PLEKHA5: variants seen among roughly 807,000 people sequenced by gnomAD.
PLEKHA5 encodes the protein pleckstrin homology domain-containing family A member 5.
Under a neutral mutation model 181.9 loss-of-function variants are expected in PLEKHA5, and 55 were observed. That is an observed-to-expected ratio of 0.30 (90% CI 0.24 to 0.38). The LOEUF (loss-of-function observed/expected upper bound fraction) is 0.38. Among genes scored for constraint, PLEKHA5 ranks in the 10% least tolerant of loss-of-function variants. PLEKHA5 has a pLI of 1.00. For missense variants in PLEKHA5, 1,432 were observed against 1,549.5 expected (o/e 0.92, Z 1.27); for synonymous variants, 535 against 529.4 (o/e 1.01, Z -0.15).
chr12:19,365,484 G>A (rs942145315), intron 29 of PLEKHA5, among the ~76,000 whole-genome samples: 9 of 152,058 alleles, frequency 5.9e-5, no homozygotes, highest in South Asian at 2.1e-4. Context: ...CATATAAATG[G>A]CAAAGAATAA....
chr12:19,360,627 GA>G, intron 28 of PLEKHA5, among the ~76,000 whole-genome samples: 1 of 149,764 alleles, frequency 6.7e-6, no homozygotes, highest in Middle Eastern at 3.4e-3. Context: ...AAAAGAAAAA[GA>G]AAAAAAGAAA....
intron 3 of PLEKHA5, among the ~76,000 whole-genome samples, chr12:19,222,320 T>C (rs1157621270): frequency 6.6e-6 from 1 of 152,152 alleles, no homozygotes; most frequent in African/African-American, 2.4e-5. Context: ...GTCTGTAATT[T>C]CTGTTTTATG....
intron 3 of PLEKHA5, among the ~76,000 whole-genome samples, chr12:19,164,193 T>G (rs2043699119): frequency 7.8e-6 from 1 of 127,454 alleles, no homozygotes; most frequent in East Asian, 2.6e-4. Context: ...CTCCAGATGT[T>G]TTTGTTTTTT....
chr12:19,176,722 G>A (rs901688904), intron 3 of PLEKHA5: 9 of 152,176 alleles, frequency 5.9e-5, no homozygotes, highest in African/African-American at 2.2e-4. Flanking sequence ...CTTATTTTGA[G>A]ACATAAGGCA....
intron 10 of PLEKHA5, 108 bp from the exon 11 acceptor site, chr12:19,274,408 T>G (rs577042609): frequency 2.8e-6 from 2 of 701,866 alleles, no homozygotes; most frequent in Non-Finnish European, 4.7e-6. Flanking sequence ...CCCTTTCCAG[T>G]CCCCTGGCCC....
At chr12:19,171,276 A>G (rs890880193) in intron 3 of PLEKHA5, among the ~76,000 whole-genome samples, 2 of 152,152 alleles carry the variant, frequency 1.3e-5, no homozygotes, top group Admixed American at 6.5e-5. Flanking sequence ...ACTTTGATGA[A>G]AGGACTGAGG....
intron 3 of PLEKHA5, among the ~76,000 whole-genome samples, chr12:19,166,045 G>A (rs147270018): frequency 2.0e-5 from 3 of 152,178 alleles, no homozygotes; most frequent in African/African-American, 7.2e-5. Context: ...AAAGAAGGCA[G>A]TAACTGCCCA....
At chr12:19,356,184 C>A (rs932244457) in intron 26 of PLEKHA5, among the ~76,000 whole-genome samples, 1 of 148,872 alleles carries the variant, frequency 6.7e-6, no homozygotes, top group African/African-American at 2.5e-5. Context: ...CAAAAAAAAA[C>A]AACACACACA....
chr12:19,201,954 A>C, intron 3 of PLEKHA5: 1 of 678,610 alleles, frequency 1.5e-6, no homozygotes, highest in Non-Finnish European at 1.8e-6. Context: ...GGGTTTAATG[A>C]AATGTGAATT....
chr12:19,194,422 T>C (rs977072533), intron 3 of PLEKHA5, among the ~76,000 whole-genome samples: 3 of 152,326 alleles, frequency 2.0e-5, no homozygotes, highest in African/African-American at 7.2e-5. Context: ...GCATGTATCT[T>C]TATGATATAA....
At chr12:19,219,124 A>G (rs938705798) in intron 3 of PLEKHA5, among the ~76,000 whole-genome samples, 2 of 152,024 alleles carry the variant, frequency 1.3e-5, no homozygotes, top group Non-Finnish European at 2.9e-5. Context: ...AAAATACAGT[A>G]TTCTCAGGAT....
chr12:19,230,175 G>A (rs2060281607), intron 3 of PLEKHA5, among the ~76,000 whole-genome samples: 1 of 152,152 alleles, frequency 6.6e-6, no homozygotes, highest in Non-Finnish European at 1.5e-5. Flanking sequence ...AAGATACAGA[G>A]TGCTGATTGG....
chr12:19,241,337 C>G (rs1460746405), intron 3 of PLEKHA5, among the ~76,000 whole-genome samples: 1 of 152,112 alleles, frequency 6.6e-6, no homozygotes, highest in East Asian at 1.9e-4. Flanking sequence ...AGCTGAAGCT[C>G]AGCTTGGAGG....
At chr12:19,248,656 T>A (rs757465142) in intron 3 of PLEKHA5, among the ~76,000 whole-genome samples, 4 of 152,234 alleles carry the variant, frequency 2.6e-5, no homozygotes, top group Non-Finnish European at 5.9e-5. Context: ...ATATATTTTC[T>A]ATTTTTATAG....
At chr12:19,222,555 G>A (rs952522427) in intron 3 of PLEKHA5, among the ~76,000 whole-genome samples, 6 of 152,058 alleles carry the variant, frequency 3.9e-5, no homozygotes, top group African/African-American at 1.4e-4. Context: ...TGAAGATTTT[G>A]AAATGGCCTA....
Position 19,346,950 on chromosome 12 carries a change from T to C in PLEKHA5, c.2710-44T>C, listed in dbSNP as rs926830015. On this transcript the variant is annotated intron_variant, in intron 23 of 31. Coordinates refer to ENST00000429027, the MANE Select transcript of PLEKHA5 (RefSeq NM_001256470.2). Reference sequence around the variant, plus strand: ...TGCAAAGAATTTAGATATGCTTAATTCAATCTGCTTATCTAAATAAGGTGA... The same window carrying C: ...TGCAAAGAATTTAGATATGCTTAATCCAATCTGCTTATCTAAATAAGGTGA... 3.1e-6 allele frequency: 4 copies of C among 1,289,342 alleles called. No homozygotes were observed. The African/African-American group carries it at 4.5e-5, about 14-fold the overall frequency. The allele number at this position is 1,289,342 out of a possible 1,614,324, so 79.9% of individuals were successfully genotyped here.
chr12:19,310,609 C>CAAAAA (rs5796796), intron 15 of PLEKHA5, among the ~76,000 whole-genome samples: 3 of 111,944 alleles, frequency 2.7e-5, no homozygotes, highest in African/African-American at 3.7e-5. Flanking sequence ...GACTCCCTCT[C>CAAAAA]AAAAAAAAAA....
In PLEKHA5 at chr12:19,222,841, G is replaced by A. The variant is rs186768502; in HGVS notation, c.228-31099G>A. ...CTTACCCTGCCAAAGACATTCACTC[G>A]ATTGAACACCACACTTCGGGGGGTA... On this transcript the variant is annotated intron_variant, in intron 3 of 31. Transcript: ENST00000429027. Among the ~76,000 whole-genome samples the A allele has an allele frequency of 6.6e-5, 10 of 152,100 alleles. No homozygotes were observed. In the East Asian group the frequency reaches 9.7e-4, roughly 15 times the overall value.
intron 25 of PLEKHA5, 70 bp downstream of exon 25, chr12:19,348,589 T>C: frequency 8.2e-7 from 1 of 1,213,902 alleles, no homozygotes; most frequent in South Asian, 1.7e-5. Flanking sequence ...AAAATAGTAG[T>C]AAATTCCATT....
Sources: gnomAD v4.1 joint callset for allele counts (sites outside exome capture counted in the v4.1 genomes callset) on GRCh38, gnomAD v4.1.1 for gene constraint, MANE v1.5 for transcripts, NCBI Gene and HGNC (gene_info 2026-07-23, HGNC 2026-07-21) for gene names.